Variants in OPCML observed in about 807,000 individuals in gnomAD.
OPCML encodes opioid-binding protein/cell adhesion molecule.
OPCML carries 13 observed loss-of-function variants against 37.8 expected under a neutral mutation model. The observed-to-expected ratio is 0.34, with a 90% CI of 0.22 to 0.55. OPCML has a LOEUF of 0.55. Ranked by LOEUF, OPCML falls within the 20% of genes least tolerant of loss-of-function variation. The pLI is 0.91. For missense variants in OPCML, 341 were observed against 435.6 expected, an observed-to-expected ratio of 0.78 and a Z score of 1.93; for synonymous variants, 176 against 168.8, an observed-to-expected ratio of 1.04 and a Z score of -0.33.
chr11:133,333,609 G>A (rs940634439), intron 1 of OPCML, among the ~76,000 whole-genome samples: 1 of 152,160 alleles, frequency 6.6e-6, no homozygotes, highest in East Asian at 1.9e-4. Flanking sequence ...AGACATCAAA[G>A]TCAATTGCAA....
At chr11:132,586,368 T>A (rs1023434135) in intron 3 of OPCML, among the ~76,000 whole-genome samples, 2 of 152,226 alleles carry the variant, frequency 1.3e-5, no homozygotes, top group Admixed American at 6.5e-5. Flanking sequence ...AGATAGGTCA[T>A]GTGTGATTAC....
intron 3 of OPCML, among the ~76,000 whole-genome samples, chr11:132,540,196 T>C (rs2096352621): frequency 6.6e-6 from 1 of 152,086 alleles, no homozygotes. Flanking sequence ...TAAACAGAGC[T>C]TGGTGAATGG....
intron 2 of OPCML, among the ~76,000 whole-genome samples, chr11:132,761,990 T>C (rs1293788748): frequency 6.6e-6 from 1 of 152,194 alleles, no homozygotes; most frequent in Non-Finnish European, 1.5e-5. Flanking sequence ...TGGATGGGTT[T>C]TTGCGTGGGT....
rs891002674 is a variant in OPCML, at chr11:132,943,980, G to C, written c.62-970C>G. Among the ~76,000 whole-genome samples, 7 of 151,812 alleles carry C rather than the reference G, an allele frequency of 4.6e-5. No homozygotes were observed. Among genetic ancestry groups the C allele is most frequent in the African/African-American group, 1.7e-4 (7 of 41,424 alleles). On this transcript the variant is annotated intron_variant, in intron 1 of 7. Transcript: ENST00000524381. The surrounding 1 kb of genome is among the most constrained non-coding windows in gnomAD (Gnocchi z 4.3). ...CATCCCTGACCGCCACTTTCTCCCG[G>C]TGCCGCCTCGGAGCGAGCGGGCTGG...
intron 1 of OPCML, among the ~76,000 whole-genome samples, chr11:132,999,486 G>T (rs1946952103): frequency 1.3e-5 from 2 of 150,158 alleles, no homozygotes; most frequent in Admixed American, 1.3e-4. Flanking sequence ...TGAGCTCCTT[G>T]TCAGAAAAAT....
At chr11:132,514,292 T>G (rs567915596) in intron 4 of OPCML, among the ~76,000 whole-genome samples, 1 of 152,126 alleles carries the variant, frequency 6.6e-6, no homozygotes, top group African/African-American at 2.4e-5. Context: ...AATCAGAAGT[T>G]GAGACAGTCC....
intron 1 of OPCML, among the ~76,000 whole-genome samples, chr11:133,043,730 T>C (rs973448943): frequency 6.6e-6 from 1 of 151,908 alleles, no homozygotes; most frequent in African/African-American, 2.4e-5. Context: ...ATGTGCATGA[T>C]GAAAAGTGCA....
In OPCML at chr11:133,384,061, T is replaced by A. The variant is rs76129822; in HGVS notation, c.61+148203A>T. 1.8e-4 allele frequency among the ~76,000 whole-genome samples: 28 copies of A among 151,930 alleles called. No homozygotes were observed. The East Asian group carries it at 2.5e-3, about 14-fold the overall frequency. ...GTCACCATTGCACCCACCTGGCCAA[T>A]CCTCAGTCTCTTCAGTGGTAAAAAC... On this transcript the variant is annotated intron_variant, in intron 1 of 7. Transcript: ENST00000524381.
chr11:133,432,149 G>T (rs999844732), intron 1 of OPCML, among the ~76,000 whole-genome samples: 7 of 152,150 alleles, frequency 4.6e-5, no homozygotes, highest in African/African-American at 1.7e-4. Flanking sequence ...AAGGTACTAT[G>T]CTCATTACCT....
intron 3 of OPCML, among the ~76,000 whole-genome samples, chr11:132,626,819 TC>T (rs1939773527): frequency 8.2e-5 from 2 of 24,398 alleles, no homozygotes; most frequent in African/African-American, 1.9e-4. Context: ...AGTTTCTCTC[TC>T]TCTCTCTCTC....
Position 133,174,610 on chromosome 11 carries a change from G to T in OPCML, c.62-231600C>A. ...GTAAGTATATGCATTTATTTGTGTT[G>T]AAAAAATGCTCATGGAATGCTGTTT... On this transcript the variant is annotated intron_variant, in intron 1 of 7. Transcript: ENST00000524381. This position sits in a 1 kb window ranked among gnomAD's most constrained non-coding sequence, Gnocchi z 4.6. Among the ~76,000 whole-genome samples, 1 of 131,878 alleles carries T rather than the reference G, an allele frequency of 7.6e-6. No individual in the cohort carries two copies. Among genetic ancestry groups the T allele is most frequent in the African/African-American group, 2.9e-5 (1 of 34,526 alleles). The allele number at this position is 131,878 out of a possible 152,430, so 86.5% of individuals were successfully genotyped here.
intron 1 of OPCML, among the ~76,000 whole-genome samples, chr11:133,027,943 C>A (rs1267160612): frequency 6.7e-6 from 1 of 150,138 alleles, no homozygotes; most frequent in Non-Finnish European, 1.5e-5. Context: ...CAGACCTCAG[C>A]AAAGTATCAA....
intron 3 of OPCML, among the ~76,000 whole-genome samples, chr11:132,591,578 C>T (rs1175263429): frequency 6.6e-6 from 1 of 152,134 alleles, no homozygotes; most frequent in Non-Finnish European, 1.5e-5. Context: ...TTTAATCCTC[C>T]ACTGTGCTGA....
chr11:133,154,509 A>G (rs1277158803), intron 1 of OPCML, among the ~76,000 whole-genome samples: 2 of 152,082 alleles, frequency 1.3e-5, no homozygotes, highest in African/African-American at 4.8e-5. Flanking sequence ...TTCATTGGGG[A>G]AAAGGTCTCT....
chr11:133,237,035 C>T (rs1319231769), intron 1 of OPCML, among the ~76,000 whole-genome samples: 3 of 152,196 alleles, frequency 2.0e-5, no homozygotes, highest in East Asian at 3.9e-4. Context: ...AGTGCTGTTT[C>T]TTTACAGCAC....
intron 1 of OPCML, among the ~76,000 whole-genome samples, chr11:133,295,826 A>C (rs1942615837): frequency 6.6e-6 from 1 of 152,256 alleles, no homozygotes; most frequent in Non-Finnish European, 1.5e-5. Flanking sequence ...GACTTCCCTC[A>C]AATTCATAGA....
intron 4 of OPCML, among the ~76,000 whole-genome samples, chr11:132,491,718 C>T (rs868117113): frequency 6.6e-6 from 1 of 152,208 alleles, no homozygotes; most frequent in Admixed American, 6.5e-5. Flanking sequence ...GGGGTGGGGT[C>T]TACACCAATG....
At chr11:132,760,394 C>G (rs149812111) in intron 2 of OPCML, among the ~76,000 whole-genome samples, 3,088 of 152,006 alleles carry the variant, frequency 0.02, 83 homozygotes, top group African/African-American at 0.068. Context: ...TATTGACAGT[C>G]GAGTGTTAAA....
At chr11:133,125,753 T>C (rs57314647) in intron 1 of OPCML, among the ~76,000 whole-genome samples, 2 of 123,024 alleles carry the variant, frequency 1.6e-5, no homozygotes, top group African/African-American at 6.0e-5. Flanking sequence ...ATAGTATATA[T>C]ATACATGTAT....
Sources: gnomAD v4.1 joint callset for allele counts (sites outside exome capture counted in the v4.1 genomes callset) on GRCh38, gnomAD v4.1.1 for gene constraint, Gnocchi (gnomAD v3.1) non-coding constraint, MANE v1.5 for transcripts, NCBI Gene and HGNC (gene_info 2026-07-23, HGNC 2026-07-21) for gene names.